The following GABRR1 variants were observed in gnomAD, a reference collection of about 807,000 sequenced individuals.
GABRR1 encodes the protein gamma-aminobutyric acid receptor subunit rho-1.
Under a neutral mutation model 55.5 loss-of-function variants are expected in GABRR1, and 59 were observed. That is an observed-to-expected ratio of 1.06 (90% confidence interval 0.86 to 1.32). GABRR1 has a LOEUF of 1.32. Among genes scored for constraint, GABRR1 ranks in the 40% most tolerant of loss-of-function variants. The pLI is 0.00. For synonymous variants in GABRR1, 213 were observed against 226.0 expected (o/e 0.94, Z 0.51); for missense variants, 602 against 619.1 (o/e 0.97, Z 0.29).
At chr6:89,191,686 G>T (rs188600355) in intron 5 of GABRR1, among the ~76,000 whole-genome samples, 1 of 152,200 alleles carries the variant, frequency 6.6e-6, no homozygotes, top group African/African-American at 2.4e-5. Context: ...TTGATTCATT[G>T]GAGGGGCTCT....
intron 5 of GABRR1, among the ~76,000 whole-genome samples, chr6:89,190,612 T>TG (rs1772056930): frequency 2.0e-5 from 3 of 152,272 alleles, no homozygotes; most frequent in Admixed American, 2.0e-4. Flanking sequence ...CTGTTTCAGA[T>TG]AAATTCCAGT....
intron 2 of GABRR1, among the ~76,000 whole-genome samples, chr6:89,201,644 T>G (rs773395923): frequency 4.6e-5 from 7 of 152,042 alleles, no homozygotes; most frequent in African/African-American, 1.7e-4. Context: ...CTGGGCGTGG[T>G]GGCAGGCGCC....
intron 6 of GABRR1, among the ~76,000 whole-genome samples, chr6:89,189,839 G>A (rs546615689): frequency 2.6e-5 from 4 of 152,292 alleles, no homozygotes; most frequent in Non-Finnish European, 4.4e-5. Context: ...AAGGTCAGGC[G>A]TTGGAGATCA....
intron 1 of GABRR1, among the ~76,000 whole-genome samples, chr6:89,223,427 G>A (rs1019855246): frequency 4.3e-4 from 65 of 152,082 alleles, no homozygotes; most frequent in Admixed American, 2.9e-3. Context: ...TATATGCCAC[G>A]GTTTCTTTAT....
intron 1 of GABRR1, among the ~76,000 whole-genome samples, chr6:89,225,198 C>G (rs538776644): frequency 6.6e-6 from 1 of 151,410 alleles, no homozygotes; most frequent in African/African-American, 2.4e-5. Flanking sequence ...GTGTGGCTTG[C>G]CAATTATCCC....
chr6:89,197,426 A>G (rs1205339781), intron 5 of GABRR1, among the ~76,000 whole-genome samples: 3 of 152,126 alleles, frequency 2.0e-5, no homozygotes, highest in African/African-American at 2.4e-5. Context: ...TGAAAACCAC[A>G]CTGTGGAGCT....
chr6:89,208,828 G>A (rs972135779), intron 1 of GABRR1, among the ~76,000 whole-genome samples: 5 of 152,214 alleles, frequency 3.3e-5, no homozygotes, highest in Admixed American at 6.5e-5. Context: ...GATACAGTGC[G>A]AACACTCCTT....
rs1232185827 is a variant in GABRR1, at chr6:89,201,255, T to C, written c.184A>G (p.Arg62Gly). Reference protein sequence around the residue: ...DAHKQVSPILRRSPDITKSPL... With the variant: ...DAHKQVSPILGRSPDITKSPL... Reference sequence around the variant, plus strand: ...GATTTGGTGATGTCAGGACTTCGTCTCAGAATTGGGCTGCCAAGGGGGAAG... The same window carrying C: ...GATTTGGTGATGTCAGGACTTCGTCCCAGAATTGGGCTGCCAAGGGGGAAG... Residue 62 changes from arginine to glycine, a missense_variant, in exon 3 of 10, where the codon AGA (arginine) becomes GGA (glycine). By Grantham distance (125) the Arg-to-Gly change is moderately radical. Coordinates refer to ENST00000454853, the MANE Select transcript of GABRR1 (RefSeq NM_002042.5). The C allele has an allele frequency of 6.2e-7, 1 of 1,613,828 alleles. No homozygotes were observed. The highest frequency in any genetic ancestry group is 8.5e-7 in the Non-Finnish European group (1 of 1,179,686).
rs912699368 is a variant in GABRR1 at position 89,227,330 on chromosome 6, C to T, written c.-411+3886G>A. 6.9e-4 allele frequency among the ~76,000 whole-genome samples: 35 copies of T among 50,588 alleles called. 9 individuals carry two copies. In the East Asian group the frequency reaches 7.5e-3, roughly 11 times the overall value. 33.2% of individuals were successfully genotyped at this position (50,588 alleles called of 152,430 possible). On this transcript the variant is annotated intron_variant, in intron 1 of 11. Coordinates refer to the GABRR1 transcript ENST00000369451. Reference sequence around the variant, plus strand: ...GAATAGGAGTGGTGAGAGAGGGCATCCCTGTCTTGTGCCAGTTTTCAAAGG... The same window carrying T: ...GAATAGGAGTGGTGAGAGAGGGCATTCCTGTCTTGTGCCAGTTTTCAAAGG...
intron 8 of GABRR1, among the ~76,000 whole-genome samples, chr6:89,180,774 G>A (rs931448567): frequency 3.3e-5 from 5 of 152,074 alleles, no homozygotes; most frequent in Non-Finnish European, 5.9e-5. Context: ...AGACATTTTG[G>A]CATTAAAACA....
chr6:89,191,218 T>G (rs1772074380), intron 5 of GABRR1, among the ~76,000 whole-genome samples: 1 of 152,224 alleles, frequency 6.6e-6, no homozygotes, highest in South Asian at 2.1e-4. Context: ...ATGAGGCATT[T>G]TTGATTGCCA....
upstream of GABRR1, among the ~76,000 whole-genome samples, chr6:89,220,706 C>T (rs1773101239): frequency 1.3e-5 from 2 of 152,042 alleles, no homozygotes; most frequent in African/African-American, 4.8e-5. Context: ...TATAACACTT[C>T]CAGACCAAGT....
chr6:89,198,285 A>C, intron 4 of GABRR1, 42 bp from the exon 5 acceptor site: 2 of 1,378,882 alleles, frequency 1.5e-6, no homozygotes, highest in South Asian at 2.3e-5. Context: ...GACACACACA[A>C]ACCCACTGAG....
At chr6:89,203,360 C>T in intron 2 of GABRR1, 75 bp downstream of exon 2, 2 of 1,320,236 alleles carry the variant, frequency 1.5e-6, no homozygotes, top group Non-Finnish European at 2.2e-6. Flanking sequence ...GGGAGGGGCC[C>T]TGCTGAAAAT....
At chr6:89,207,362 G>C (rs1025563759) in intron 1 of GABRR1, among the ~76,000 whole-genome samples, 1 of 151,878 alleles carries the variant, frequency 6.6e-6, no homozygotes, top group Non-Finnish European at 1.5e-5. Context: ...GCCAAGCTAA[G>C]TTTTGTATTT....
chr6:89,199,956 C>T (rs1772412310), intron 3 of GABRR1, among the ~76,000 whole-genome samples: 1 of 152,066 alleles, frequency 6.6e-6, no homozygotes, highest in Admixed American at 6.5e-5. Flanking sequence ...GGCCTTAAAA[C>T]ATTAGATTTT....
chr6:89,199,524 A>G, intron 3 of GABRR1, 95 bp from the exon 4 acceptor site: 1 of 1,149,764 alleles, frequency 8.7e-7, no homozygotes, highest in South Asian at 1.3e-5. Context: ...TGGAACCTCA[A>G]TGTCATATCA....
intron 6 of GABRR1, among the ~76,000 whole-genome samples, chr6:89,185,711 A>C (rs973770815): frequency 6.6e-6 from 1 of 152,254 alleles, no homozygotes; most frequent in African/African-American, 2.4e-5. Context: ...TTCACCCTAC[A>C]ATTCAGCCTG....
intron 4 of GABRR1, among the ~76,000 whole-genome samples, chr6:89,199,018 G>A (rs405883): frequency 6.6e-6 from 1 of 151,846 alleles, no homozygotes; most frequent in African/African-American, 2.4e-5. Context: ...TTTGCATTTC[G>A]ACAGCCAGGT....
Sources: gnomAD v4.1 joint callset for allele counts (sites outside exome capture counted in the v4.1 genomes callset) on GRCh38, gnomAD v4.1.1 for gene constraint, MANE v1.5 for transcripts, NCBI Gene and HGNC (gene_info 2026-07-23, HGNC 2026-07-21) for gene names.